Variants in IGSF11 observed in about 807,000 individuals in gnomAD.
The protein encoded by IGSF11 is immunoglobulin superfamily member 11.
In IGSF11, 22 loss-of-function variants were observed where a neutral mutation model predicts 41.0. That is an observed-to-expected ratio of 0.54 (90% CI 0.38 to 0.77). IGSF11 has a LOEUF of 0.77. Among genes scored for constraint, IGSF11 ranks in the 30% least tolerant of loss-of-function variants. The probability of loss-of-function intolerance (pLI) is 0.00; values close to 1 mark genes in which losing one functional copy is unlikely to be tolerated. For missense variants in IGSF11, 444 were observed against 530.8 expected, an observed-to-expected ratio of 0.84 and a Z score of 1.61; for synonymous variants, 219 against 201.3, an observed-to-expected ratio of 1.09 and a Z score of -0.74.
chr3:119,103,954 T>C (rs569106471), intron 1 of IGSF11, among the ~76,000 whole-genome samples: 1 of 152,318 alleles, frequency 6.6e-6, no homozygotes, highest in East Asian at 1.9e-4. Flanking sequence ...CCCTCATATA[T>C]TGTGGCTAAG....
rs1238802444 is a variant in IGSF11, at chr3:118,940,141, T to C, written c.53-9866A>G. ...TCCTACAGTAAGGAACAAGGAGAGA[T>C]GTCTGCTCTTGCCACTTCTATTTAA... is the stretch of plus-strand genomic sequence containing the variant. On this transcript the variant is annotated intron_variant, in intron 1 of 6. Coordinates refer to ENST00000393775, the MANE Select transcript of IGSF11 (RefSeq NM_001015887.3). Among the ~76,000 whole-genome samples the C allele has an allele frequency of 7.2e-5, 11 of 152,310 alleles. No individual in the cohort carries two copies. In the South Asian group the frequency reaches 2.1e-3, roughly 29 times the overall value.
intron 1 of IGSF11, among the ~76,000 whole-genome samples, chr3:119,111,922 G>A (rs1021455376): frequency 4.6e-5 from 7 of 152,198 alleles, no homozygotes; most frequent in South Asian, 2.1e-4. Flanking sequence ...CGTGAACCAC[G>A]AATGCTGCTG....
chr3:119,076,854 AGT>A (rs2076508554), intron 1 of IGSF11, among the ~76,000 whole-genome samples: 1 of 152,182 alleles, frequency 6.6e-6, no homozygotes, highest in African/African-American at 2.4e-5. Flanking sequence ...TGTGGAAGAC[AGT>A]GTGGCAGTTC....
At chr3:118,990,481 A>G (rs942689040) in intron 1 of IGSF11, among the ~76,000 whole-genome samples, 1 of 152,228 alleles carries the variant, frequency 6.6e-6, no homozygotes, top group Non-Finnish European at 1.5e-5. Flanking sequence ...CAGTAAACAT[A>G]AAGATGCTAA....
chr3:119,047,005 A>G (rs1460698937), intron 1 of IGSF11, among the ~76,000 whole-genome samples: 1 of 144,848 alleles, frequency 6.9e-6, no homozygotes, highest in African/African-American at 2.5e-5. Context: ...AGCGCTAAAC[A>G]TGGAAAGGAA....
chr3:119,123,629 T>C (rs1049928316), intron 1 of IGSF11, among the ~76,000 whole-genome samples: 1 of 152,112 alleles, frequency 6.6e-6, no homozygotes, highest in Non-Finnish European at 1.5e-5. Context: ...GCTTCTGTCA[T>C]CCCACTCCCA....
intron 1 of IGSF11, among the ~76,000 whole-genome samples, chr3:118,978,748 C>T (rs1934395003): frequency 6.6e-6 from 1 of 152,188 alleles, no homozygotes; most frequent in Admixed American, 6.5e-5. Flanking sequence ...GTGCCCTACC[C>T]AACCGACACC....
chr3:119,103,628 A>G (rs186376263), intron 1 of IGSF11, among the ~76,000 whole-genome samples: 1 of 152,010 alleles, frequency 6.6e-6, no homozygotes, highest in Admixed American at 6.6e-5. Context: ...TACTTCTCCA[A>G]AGTCATCAAA....
intron 4 of IGSF11, among the ~76,000 whole-genome samples, chr3:118,907,271 G>A (rs1197729596): frequency 6.6e-6 from 1 of 152,160 alleles, no homozygotes; most frequent in East Asian, 1.9e-4. Context: ...AGTAAAGTGT[G>A]CAGCATTTAT....
chr3:118,979,860 A>G (rs1408414772), intron 1 of IGSF11, among the ~76,000 whole-genome samples: 1 of 152,202 alleles, frequency 6.6e-6, no homozygotes, highest in East Asian at 1.9e-4. Context: ...AAAGACGTAC[A>G]TAGAAATTTT....
At chr3:118,948,776 TAA>T (rs1944350149) in intron 1 of IGSF11, among the ~76,000 whole-genome samples, 1 of 151,814 alleles carries the variant, frequency 6.6e-6, no homozygotes, top group African/African-American at 2.4e-5. Context: ...CCATCCTGGC[TAA>T]AACGGTGAGA....
intron 1 of IGSF11, among the ~76,000 whole-genome samples, chr3:119,121,683 A>G (rs2077335536): frequency 6.6e-6 from 1 of 152,230 alleles, no homozygotes; most frequent in Admixed American, 6.5e-5. Context: ...GTTGATAAAC[A>G]TAAATGAGTC....
intron 1 of IGSF11, among the ~76,000 whole-genome samples, chr3:119,085,059 C>G (rs2076648544): frequency 6.6e-6 from 1 of 152,146 alleles, no homozygotes; most frequent in African/African-American, 2.4e-5. Context: ...GCCTCAACGC[C>G]CAAAAGACCT....
At chr3:118,960,693 T>C (rs1056956764) in intron 1 of IGSF11, among the ~76,000 whole-genome samples, 3 of 152,256 alleles carry the variant, frequency 2.0e-5, no homozygotes, top group African/African-American at 7.2e-5. Flanking sequence ...GGTGTATATA[T>C]ACACCTAATC....
chr3:118,997,782 G>T (rs577440970), intron 1 of IGSF11, among the ~76,000 whole-genome samples: 2 of 152,044 alleles, frequency 1.3e-5, no homozygotes, highest in Non-Finnish European at 2.9e-5. Context: ...GTCTTAGGAC[G>T]TTACTGTTAT....
chr3:119,031,273 T>TAAAC (rs1310290223), intron 1 of IGSF11, among the ~76,000 whole-genome samples: 41 of 70,134 alleles, frequency 5.8e-4, no homozygotes, highest in South Asian at 2.8e-3. Context: ...AATAAATAAA[T>TAAAC]AAACAAACTA....
At chr3:119,060,133 C>T (rs1025779573) in intron 1 of IGSF11, among the ~76,000 whole-genome samples, 3 of 152,152 alleles carry the variant, frequency 2.0e-5, no homozygotes, top group African/African-American at 7.2e-5. Context: ...TTTCTATGAG[C>T]TACCTAACAG....
chr3:119,057,069 G>T (rs1941870522), intron 1 of IGSF11, among the ~76,000 whole-genome samples: 1 of 152,162 alleles, frequency 6.6e-6, no homozygotes, highest in South Asian at 2.1e-4. Flanking sequence ...GCACAAGACA[G>T]GGAGGCCCTC....
upstream of IGSF11, among the ~76,000 whole-genome samples, chr3:119,038,361 T>G (rs1255618861): frequency 1.3e-5 from 2 of 152,236 alleles, no homozygotes; most frequent in Middle Eastern, 3.2e-3. Flanking sequence ...CCCACTCCTC[T>G]GTCAACCATT....
Sources: allele counts gnomAD v4.1 joint callset (sites outside exome capture counted in the v4.1 genomes callset), GRCh38; gene constraint gnomAD v4.1.1; transcripts MANE v1.5; gene names NCBI Gene and HGNC (gene_info 2026-07-23, HGNC 2026-07-21).